ITPR1: variants seen among roughly 807,000 people sequenced by gnomAD.
ITPR1 encodes inositol 1,4,5-trisphosphate receptor type 1.
Under a neutral mutation model 318.4 loss-of-function variants are expected in ITPR1, and 96 were observed. That is an observed-to-expected ratio of 0.30 (90% CI 0.26 to 0.36). The LOEUF is 0.36. ITPR1 is among the 10% of genes least tolerant of loss of function. The probability of loss-of-function intolerance (pLI) is 1.00; values close to 1 mark genes in which losing one functional copy is unlikely to be tolerated. For missense variants in ITPR1, 2,440 were observed against 3,460.2 expected (o/e 0.71, Z 7.40); for synonymous variants, 1,312 against 1,289.9 (o/e 1.02, Z -0.37).
intron 45 of ITPR1, among the ~76,000 whole-genome samples, chr3:4,767,212 T>C (rs1006900802): frequency 6.6e-6 from 1 of 152,242 alleles, no homozygotes; most frequent in Non-Finnish European, 1.5e-5. Context: ...GTTTCAAGTT[T>C]AGAACTGGGT....
At chr3:4,676,560 C>A in intron 23 of ITPR1, 54 bp from the exon 24 acceptor site, 2 of 1,426,658 alleles carry the variant, frequency 1.4e-6, no homozygotes, top group Non-Finnish European at 9.8e-7. Context: ...TGACATATGC[C>A]TCTGAGCATT....
intron 17 of ITPR1, among the ~76,000 whole-genome samples, chr3:4,667,135 G>C (rs115673134): frequency 6.6e-6 from 1 of 152,144 alleles, no homozygotes; most frequent in African/African-American, 2.4e-5. Flanking sequence ...AAATATCCAC[G>C]TGTAAATACA....
intron 42 of ITPR1, among the ~76,000 whole-genome samples, chr3:4,732,867 G>T (rs1053431082): frequency 1.2e-4 from 19 of 152,302 alleles, no homozygotes; most frequent in Admixed American, 1.1e-3. Context: ...GGGAACTTCA[G>T]TCAATATTTT....
At chr3:4,600,883 T>G (rs766641761) in intron 4 of ITPR1, among the ~76,000 whole-genome samples, 1 of 152,224 alleles carries the variant, frequency 6.6e-6, no homozygotes, top group Non-Finnish European at 1.5e-5. Flanking sequence ...ATTTGTTGAT[T>G]GTGTGGGGAC....
intron 5 of ITPR1, among the ~76,000 whole-genome samples, chr3:4,631,535 G>A (rs901324624): frequency 2.6e-5 from 4 of 151,714 alleles, no homozygotes; most frequent in African/African-American, 7.3e-5. Flanking sequence ...TATTTTTTCC[G>A]GAATTATATT....
chr3:4,508,376 A>C (rs2124895850), intron 2 of ITPR1, among the ~76,000 whole-genome samples: 1 of 151,916 alleles, frequency 6.6e-6, no homozygotes, highest in African/African-American at 2.4e-5. Context: ...CTTATTGGTT[A>C]ATGAAGTGTT....
intron 39 of ITPR1, among the ~76,000 whole-genome samples, chr3:4,717,129 G>A (rs1172983119): frequency 6.6e-6 from 1 of 152,194 alleles, no homozygotes. Flanking sequence ...TGACCTGCGA[G>A]GTCTGATGCC....
intron 46 of ITPR1, among the ~76,000 whole-genome samples, chr3:4,770,823 A>T (rs2046138110): frequency 6.6e-6 from 1 of 152,118 alleles, no homozygotes; most frequent in African/African-American, 2.4e-5. Context: ...TTACCATCTC[A>T]CTGGCTGATA....
chr3:4,794,547 T>C (rs1272416564), intron 52 of ITPR1, among the ~76,000 whole-genome samples: 3 of 152,220 alleles, frequency 2.0e-5, no homozygotes, highest in African/African-American at 2.4e-5. Context: ...TAGTGGAGCA[T>C]GTTGAGCCAG....
At chr3:4,717,035 T>C (rs989897460) in intron 39 of ITPR1, among the ~76,000 whole-genome samples, 4 of 152,186 alleles carry the variant, frequency 2.6e-5, no homozygotes, top group South Asian at 4.1e-4. Context: ...GAAAAAAACA[T>C]TGGGGAATTT....
At chr3:4,554,164 CAG>C (rs1316609500) in intron 4 of ITPR1, among the ~76,000 whole-genome samples, 1 of 152,190 alleles carries the variant, frequency 6.6e-6, no homozygotes, top group Non-Finnish European at 1.5e-5. Flanking sequence ...GAAACAGGTT[CAG>C]AGAGTTTAAG....
intron 39 of ITPR1, among the ~76,000 whole-genome samples, chr3:4,716,987 A>G (rs1276106699): frequency 6.6e-6 from 1 of 152,024 alleles, no homozygotes; most frequent in African/African-American, 2.4e-5. Flanking sequence ...GGCTAATTCT[A>G]CTCTAGTCTT....
chr3:4,555,699 T>C (rs2086054540), intron 4 of ITPR1, among the ~76,000 whole-genome samples: 1 of 152,228 alleles, frequency 6.6e-6, no homozygotes, highest in South Asian at 2.1e-4. Context: ...TCAGCCATTC[T>C]CTGAGTGATA....
At chr3:4,553,952 G>A (rs929919170) in intron 4 of ITPR1, among the ~76,000 whole-genome samples, 1 of 148,908 alleles carries the variant, frequency 6.7e-6, no homozygotes, top group Middle Eastern at 3.4e-3. Flanking sequence ...TGTTGCCCAG[G>A]CTGGTCTTGA....
chr3:4,813,216 T>G lies in ITPR1; in HGVS notation c.7543T>G (p.Ser2515Ala), dbSNP rs1042481772. 1.9e-6 allele frequency: 3 copies of G among 1,611,764 alleles called. No individual in the cohort carries two copies. The highest frequency in any genetic ancestry group is 1.7e-4 in the Middle Eastern group (1 of 6,050). The change falls in exon 57 of 62, where the codon TCT becomes GCT. Residue 2515 changes from serine to alanine, a missense_variant. Physicochemically the swap from Ser to Ala is moderately conservative, Grantham distance 99. Transcript: ENST00000649015. ...CRVESGENCS[S>A]PAPREELVPA... is the part of the protein sequence containing the mutation. Reference sequence around the variant, plus strand: ...GGTGGAGAGTGGGGAGAACTGCTCCTCTCCTGCACCCAGAGAAGGTAGGAC... The same window carrying G: ...GGTGGAGAGTGGGGAGAACTGCTCCGCTCCTGCACCCAGAGAAGGTAGGAC...
intron 33 of ITPR1, among the ~76,000 whole-genome samples, chr3:4,696,265 C>G (rs1055220872): frequency 6.6e-6 from 1 of 152,202 alleles, no homozygotes; most frequent in African/African-American, 2.4e-5. Context: ...TTAGCAGTCA[C>G]TTCCCATTTC....
intron 1 of ITPR1, among the ~76,000 whole-genome samples, chr3:4,494,178 C>T (rs1293661869): frequency 6.6e-6 from 1 of 152,242 alleles, no homozygotes; most frequent in African/African-American, 2.4e-5. Flanking sequence ...TCCCTTAGTT[C>T]CAGCCTCCCG....
chr3:4,705,756 G>C (rs964065152), intron 36 of ITPR1, among the ~76,000 whole-genome samples: 3 of 152,168 alleles, frequency 2.0e-5, no homozygotes, highest in Non-Finnish European at 4.4e-5. Context: ...GGATAACCCA[G>C]CATTTTTGTA....
chr3:4,767,367 C>T (rs1223139157), intron 45 of ITPR1, among the ~76,000 whole-genome samples: 2 of 152,266 alleles, frequency 1.3e-5, no homozygotes, highest in African/African-American at 4.8e-5. Flanking sequence ...AGAATATCTC[C>T]AGACATTGCC....
Sources: gnomAD v4.1 joint callset for allele counts (sites outside exome capture counted in the v4.1 genomes callset) on GRCh38, gnomAD v4.1.1 for gene constraint, MANE v1.5 for transcripts, NCBI Gene and HGNC (gene_info 2026-07-23, HGNC 2026-07-21) for gene names.